LRRC8C: variants seen among roughly 807,000 people sequenced by gnomAD.
LRRC8C encodes leucine rich repeat containing 8 VRAC subunit C.
A neutral mutation model predicts 55.3 loss-of-function variants in LRRC8C; 20 were observed. The observed-to-expected ratio is 0.36, with a 90% CI of 0.25 to 0.53. The LOEUF is 0.53. Ranked by LOEUF, LRRC8C falls within the 20% of genes least tolerant of loss-of-function variation. The pLI is 0.92. For synonymous variants in LRRC8C, 376 were observed against 360.7 expected (o/e 1.04, Z -0.48); for missense variants, 659 against 951.4 (o/e 0.69, Z 4.04).
intron 1 of LRRC8C, among the ~76,000 whole-genome samples, chr1:89,651,350 C>G (rs1020133549): frequency 6.6e-6 from 1 of 152,066 alleles, no homozygotes; most frequent in African/African-American, 2.4e-5. Flanking sequence ...GGGCAGATCA[C>G]GAGGTCAGGA....
intron 1 of LRRC8C, among the ~76,000 whole-genome samples, chr1:89,647,079 T>C (rs1240279962): frequency 6.6e-6 from 1 of 152,226 alleles, no homozygotes; most frequent in Non-Finnish European, 1.5e-5. Flanking sequence ...ACCTGACAGC[T>C]TTCCCCATAA....
chr1:89,661,425 C>G (rs1010919632), intron 1 of LRRC8C: 1 of 256,942 alleles, frequency 3.9e-6, no homozygotes, highest in Non-Finnish European at 7.9e-6. Flanking sequence ...AGCTTAGATG[C>G]TTCTTGGACT....
intron 1 of LRRC8C, among the ~76,000 whole-genome samples, chr1:89,667,026 A>T (rs546125142): frequency 6.6e-6 from 1 of 152,264 alleles, no homozygotes; most frequent in East Asian, 1.9e-4. Flanking sequence ...GTTGGTATTA[A>T]TATTTTCAAT....
In LRRC8C at chr1:89,654,359, A is replaced by C. The variant is rs550655254; in HGVS notation, c.-5+21037A>C. On this transcript the variant is annotated intron_variant, in intron 1 of 2. Coordinates refer to ENST00000370454, the MANE Select transcript of LRRC8C (RefSeq NM_032270.5). Reference sequence around the variant, plus strand: ...TGGTTACACTAAAATCCCAGACTTCACCACTACCCAGTATAGCCATGTAGC... The same window carrying C: ...TGGTTACACTAAAATCCCAGACTTCCCCACTACCCAGTATAGCCATGTAGC... Among the ~76,000 whole-genome samples the C allele has an allele frequency of 7.9e-5, 12 of 152,308 alleles. No homozygotes were observed. In the East Asian group the frequency reaches 2.3e-3, roughly 29 times the overall value.
chr1:89,686,304 C>T (rs1657881675), intron 1 of LRRC8C, among the ~76,000 whole-genome samples, 166 bp from the exon 2 acceptor site: 1 of 152,110 alleles, frequency 6.6e-6, no homozygotes, highest in Admixed American at 6.5e-5. Flanking sequence ...TCCTTATTTC[C>T]TCAACTGGTG....
chr1:89,663,998 G>A (rs1322069904), intron 1 of LRRC8C, among the ~76,000 whole-genome samples: 1 of 152,106 alleles, frequency 6.6e-6, no homozygotes, highest in Non-Finnish European at 1.5e-5. Context: ...ACTTGTTTAA[G>A]TTCTTTGTAG....
chr1:89,670,127 A>T (rs183499469), intron 1 of LRRC8C, among the ~76,000 whole-genome samples: 1 of 152,212 alleles, frequency 6.6e-6, no homozygotes, highest in Non-Finnish European at 1.5e-5. Context: ...CAAAGAAAAG[A>T]AAGGTCCAGA....
rs1475661396 is a variant in LRRC8C, at chr1:89,719,182, C to T, written c.*4200C>T. 1 of 152,118 alleles carries T rather than the reference C, an allele frequency of 6.6e-6. No individual in the cohort carries two copies. 9.4% of individuals were successfully genotyped at this position (152,118 alleles called of 1,614,324 possible). ...AAGGGGGGTATATAAATTTGGAAAA[C>T]TTAATTTCTTGGCTGTGTTTGATAA... is the stretch of plus-strand genomic sequence containing the variant. On this transcript the variant is annotated 3_prime_UTR_variant, in exon 3 of 3. Transcript: ENST00000370454.
At chr1:89,617,234 T>A in the LRRC8C span, among the ~76,000 whole-genome samples, 1 of 152,178 alleles carries the variant, frequency 6.6e-6, no homozygotes, top group Non-Finnish European at 1.5e-5. Context: ...TTTGCCTAGG[T>A]AGAATATTTT....
In LRRC8C at chr1:89,714,424, C is replaced by T. The variant is rs749116864; in HGVS notation, c.1854C>T (p.Asp618=). The part of the protein sequence containing the change: ...VFSLLSLQEL[D]LKENNLKSIE... ...GCCTACTCAGCCTCCAGGAATTGGACCTGAAGGAAAACAATCTGAAATCTA... is the reference window on the plus strand; with the variant it reads ...GCCTACTCAGCCTCCAGGAATTGGATCTGAAGGAAAACAATCTGAAATCTA... Residue 618 remains aspartate, a synonymous_variant, in exon 3 of 3, where the codon GAC becomes GAT. Transcript: ENST00000370454. This position sits in a 1 kb window ranked among gnomAD's most constrained non-coding sequence, Gnocchi z 4.6. The T allele has an allele frequency of 4.3e-6, 7 of 1,614,008 alleles. No individual in the cohort carries two copies. In the Admixed American group the frequency reaches 1.0e-4, roughly 23 times the overall value.
chr1:89,657,739 C>CAA (rs138148934), intron 1 of LRRC8C, among the ~76,000 whole-genome samples: 6 of 98,838 alleles, frequency 6.1e-5, no homozygotes, highest in African/African-American at 2.1e-4. Flanking sequence ...GACTCTGTAT[C>CAA]AAAAAAAAAA....
intron 1 of LRRC8C, among the ~76,000 whole-genome samples, chr1:89,661,832 T>C (rs1462301948): frequency 6.6e-6 from 1 of 152,110 alleles, no homozygotes; most frequent in African/African-American, 2.4e-5. Context: ...GATATTAAAT[T>C]GGCTTTGCAG....
At chr1:89,667,354 A>C (rs1354478749) in intron 1 of LRRC8C, among the ~76,000 whole-genome samples, 1 of 152,008 alleles carries the variant, frequency 6.6e-6, no homozygotes, top group African/African-American at 2.4e-5. Flanking sequence ...CAAACTCCTT[A>C]TTCCCCACTC....
chr1:89,632,406 G>A (rs1656131105), upstream of LRRC8C, among the ~76,000 whole-genome samples: 1 of 152,198 alleles, frequency 6.6e-6, no homozygotes, highest in Non-Finnish European at 1.5e-5. Context: ...TGCAGGGGCG[G>A]TGCAGTTGGG....
chr1:89,707,160 A>G (rs1363841341), intron 2 of LRRC8C, among the ~76,000 whole-genome samples: 2 of 118,362 alleles, frequency 1.7e-5, no homozygotes, highest in African/African-American at 3.4e-5. Flanking sequence ...TAATCCCAGC[A>G]CTTTGGGAGG....
chr1:89,689,291 G>T (rs1657964444), intron 2 of LRRC8C, among the ~76,000 whole-genome samples: 1 of 152,210 alleles, frequency 6.6e-6, no homozygotes. Flanking sequence ...AGAAAAACGT[G>T]AGTGAGGGGA....
At chr1:89,622,283 G>A in the LRRC8C span, among the ~76,000 whole-genome samples, 1 of 151,800 alleles carries the variant, frequency 6.6e-6, no homozygotes, top group Non-Finnish European at 1.5e-5. Flanking sequence ...GGAATAGTAA[G>A]ATTACCTGTT....
intron 2 of LRRC8C, among the ~76,000 whole-genome samples, chr1:89,697,189 T>C (rs1255126465): frequency 1.3e-5 from 2 of 152,212 alleles, no homozygotes; most frequent in Admixed American, 1.3e-4. Flanking sequence ...ATCATCTCAC[T>C]TGGGGAGATA....
At chr1:89,647,464 G>T (rs2101190389) in intron 1 of LRRC8C, among the ~76,000 whole-genome samples, 1 of 152,202 alleles carries the variant, frequency 6.6e-6, no homozygotes, top group Admixed American at 6.5e-5. Context: ...TTTCTCTAGA[G>T]GCCAGGAATC....
Sources: allele counts gnomAD v4.1 joint callset (sites outside exome capture counted in the v4.1 genomes callset), GRCh38; gene constraint gnomAD v4.1.1; non-coding constraint Gnocchi (gnomAD v3.1); transcripts MANE v1.5; gene names NCBI Gene and HGNC (gene_info 2026-07-23, HGNC 2026-07-21).